UPF2: variants seen among roughly 807,000 people sequenced by gnomAD.
UPF2 encodes the protein regulator of nonsense transcripts 2.
A neutral mutation model predicts 141.4 loss-of-function variants in UPF2; 17 were observed. The observed-to-expected ratio is 0.12, with a 90% CI of 0.08 to 0.18. The LOEUF (loss-of-function observed/expected upper bound fraction) is 0.18, where lower values mean the gene tolerates loss of function less well. Ranked by LOEUF, UPF2 falls within the 10% of genes least tolerant of loss-of-function variation. The pLI, the probability that UPF2 is intolerant of heterozygous loss-of-function variation, is 1.00. For synonymous variants in UPF2, 540 were observed against 498.0 expected (o/e 1.08, Z -1.12); for missense variants, 1,152 against 1,515.9 (o/e 0.76, Z 3.99).
chr10:11,974,161 C>T (rs1228679247), intron 9 of UPF2, among the ~76,000 whole-genome samples: 1 of 151,772 alleles, frequency 6.6e-6, no homozygotes, highest in Non-Finnish European at 1.5e-5. Context: ...TGGGAGTTCA[C>T]TCATGATTTG....
intron 20 of UPF2, among the ~76,000 whole-genome samples, chr10:11,930,881 G>C (rs1832774840): frequency 6.6e-6 from 1 of 152,210 alleles, no homozygotes; most frequent in South Asian, 2.1e-4. Flanking sequence ...CTCCTGCACA[G>C]ATGGCGGTTT....
intron 14 of UPF2, among the ~76,000 whole-genome samples, chr10:11,952,543 C>T (rs192153611): frequency 5.7e-5 from 8 of 141,378 alleles, no homozygotes; most frequent in Admixed American, 1.5e-4. Flanking sequence ...GGCGCCATCT[C>T]AGCTCACTGC....
At chr10:11,938,904 C>T (rs1248256353) in intron 18 of UPF2, among the ~76,000 whole-genome samples, 4 of 111,248 alleles carry the variant, frequency 3.6e-5, no homozygotes, top group Admixed American at 2.5e-4. Context: ...CTCACTCTGT[C>T]CCCCCCATGC....
In UPF2 at chr10:12,004,706, A is replaced by G. The variant is rs1834007187; in HGVS notation, c.1328T>C (p.Ile443Thr). The G allele has an allele frequency of 1.9e-6, 3 of 1,613,232 alleles. No individual in the cohort carries two copies. The highest frequency in any genetic ancestry group is 2.2e-5 in the East Asian group (1 of 44,800). Residue 443 changes from isoleucine (I) to threonine (T), a missense_variant, in exon 5 of 22, where the codon ATA becomes ACA. Transcript: ENST00000357604. ...TTCTCCAGGTTTACCAGGTGTGAAT[A>G]TATCAATTCCAGGCCCATGTTCTAC... Reference protein sequence around the residue: ...TPEEHGPGIDIFTPGKPGEYD... With the variant: ...TPEEHGPGIDTFTPGKPGEYD...
At chr10:11,991,154 A>T (rs73573524) in intron 8 of UPF2, among the ~76,000 whole-genome samples, 1 of 152,270 alleles carries the variant, frequency 6.6e-6, no homozygotes, top group South Asian at 2.1e-4. Context: ...AAACCTACCA[A>T]ACAAAATTCT....
rs368473400 is a variant in UPF2 at position 11,921,066 on chromosome 10, G to A, written c.*232C>T. 5.3e-6 allele frequency: 4 copies of A among 752,054 alleles called. No individual in the cohort carries two copies. Among genetic ancestry groups the A allele is most frequent in the African/African-American group, 5.1e-5 (3 of 58,458 alleles). 46.6% of individuals were successfully genotyped at this position (752,054 alleles called of 1,614,324 possible). On this transcript the variant is annotated 3_prime_UTR_variant, in exon 22 of 22. Coordinates refer to ENST00000357604, the MANE Select transcript of UPF2 (RefSeq NM_015542.4). This position sits in a 1 kb window ranked among gnomAD's most constrained non-coding sequence, Gnocchi z 5.9. The stretch of plus-strand genomic sequence containing the variant: ...TTCTCAAGAGAAGATTAACCCTCGC[G>A]AGATTTCCATTACAAAAGGCCTTTT...
intron 18 of UPF2, among the ~76,000 whole-genome samples, chr10:11,938,797 T>C (rs952090541): frequency 6.7e-6 from 1 of 148,872 alleles, no homozygotes; most frequent in African/African-American, 2.5e-5. Flanking sequence ...AGTAAAACAG[T>C]TGAGAACAAA....
At position 11,931,854 on chromosome 10, in the gene UPF2, A is replaced by C; in HGVS notation, c.3547-72T>G. ...GAGAAAGAAAAAACAGACTTCAAAT[A>C]AAATAGCAAGTACAGGCTGGGCACG... On this transcript the variant is annotated intron_variant, in intron 19 of 21. Coordinates refer to ENST00000357604, the MANE Select transcript of UPF2 (RefSeq NM_015542.4). This position sits in a 1 kb window ranked among gnomAD's most constrained non-coding sequence, Gnocchi z 5.9. 7 of 1,523,178 alleles carry C rather than the reference A, an allele frequency of 4.6e-6. No individual in the cohort carries two copies. The South Asian group carries it at 5.2e-5, about 11-fold the overall frequency. 94.4% of individuals were successfully genotyped at this position (1,523,178 alleles called of 1,614,324 possible).
intron 3 of UPF2, among the ~76,000 whole-genome samples, chr10:12,025,618 A>G (rs1834406227): frequency 1.3e-5 from 2 of 152,192 alleles, no homozygotes; most frequent in Admixed American, 1.3e-4. Flanking sequence ...TACACTATGT[A>G]AGTAAACTTC....
intron 15 of UPF2, among the ~76,000 whole-genome samples, chr10:11,951,632 T>C (rs997617437): frequency 1.3e-5 from 2 of 152,184 alleles, no homozygotes; most frequent in African/African-American, 2.4e-5. Context: ...TGAAATCCTG[T>C]AGGGTAGAGT....
intron 18 of UPF2, among the ~76,000 whole-genome samples, chr10:11,937,071 ATC>A (rs1184243928): frequency 6.6e-6 from 1 of 152,164 alleles, no homozygotes; most frequent in African/African-American, 2.4e-5. Context: ...TTCCTTCATA[ATC>A]ACCAGGCAAG....
At chr10:11,933,845 C>T (rs1832810870) in intron 19 of UPF2, among the ~76,000 whole-genome samples, 1 of 152,200 alleles carries the variant, frequency 6.6e-6, no homozygotes, top group Non-Finnish European at 1.5e-5. Context: ...GTTGTACAAT[C>T]TGACCTTCAA....
chr10:11,928,308 G>C (rs1359509301), intron 21 of UPF2, among the ~76,000 whole-genome samples: 2 of 152,070 alleles, frequency 1.3e-5, no homozygotes, highest in East Asian at 3.9e-4. Flanking sequence ...CTGCACTCCA[G>C]CCTGGGTGAC....
At chr10:11,942,969 T>C (rs2131171303) in intron 17 of UPF2, 95 bp downstream of exon 17, 2 of 946,368 alleles carry the variant, frequency 2.1e-6, no homozygotes, top group Non-Finnish European at 3.2e-6. Context: ...ATATTTTTCA[T>C]AATCAAAAGA....
rs1833147276 is a variant in UPF2 at position 11,956,172 on chromosome 10, G to C, written c.2574+148C>G. ...AAAAAAAAAAAAAAAAGAGGAAAGTGTTTACAGGAAATTCTTATAAAATGA... is the reference window on the plus strand; with the variant it reads ...AAAAAAAAAAAAAAAAGAGGAAAGTCTTTACAGGAAATTCTTATAAAATGA... On this transcript the variant is annotated intron_variant, in intron 13 of 21. Coordinates refer to ENST00000357604, the MANE Select transcript of UPF2 (RefSeq NM_015542.4). This position sits in a 1 kb window ranked among gnomAD's most constrained non-coding sequence, Gnocchi z 4.2. The C allele has an allele frequency of 2.7e-6, 2 of 752,924 alleles. No homozygotes were observed. Among genetic ancestry groups the C allele is most frequent in the Admixed American group, 5.7e-5 (2 of 35,264 alleles). 46.6% of individuals were successfully genotyped at this position (752,924 alleles called of 1,614,324 possible).
At chr10:12,004,998 G>C (rs892076485) in intron 4 of UPF2, among the ~76,000 whole-genome samples, 4 of 151,932 alleles carry the variant, frequency 2.6e-5, no homozygotes, top group African/African-American at 9.7e-5. Context: ...AGATTAAGTA[G>C]CCATTTGATA....
At chr10:12,022,620 G>A (rs1293461433) in intron 3 of UPF2, among the ~76,000 whole-genome samples, 3 of 151,992 alleles carry the variant, frequency 2.0e-5, no homozygotes, top group Non-Finnish European at 2.9e-5. Flanking sequence ...GAACATTACA[G>A]CTATAACACT....
At chr10:11,984,715 C>T (rs1156935776) in intron 8 of UPF2, among the ~76,000 whole-genome samples, 2 of 143,910 alleles carry the variant, frequency 1.4e-5, no homozygotes, top group East Asian at 4.0e-4. Flanking sequence ...CATCTTTGCT[C>T]TTTAAAAAAA....
intron 8 of UPF2, among the ~76,000 whole-genome samples, chr10:11,986,928 T>G (rs1833701972): frequency 6.6e-6 from 1 of 152,198 alleles, no homozygotes; most frequent in Non-Finnish European, 1.5e-5. Context: ...GGAAAAGCTG[T>G]TCAAGAATCA....
Sources: allele counts gnomAD v4.1 joint callset (sites outside exome capture counted in the v4.1 genomes callset), GRCh38; gene constraint gnomAD v4.1.1; non-coding constraint Gnocchi (gnomAD v3.1); transcripts MANE v1.5; gene names NCBI Gene and HGNC (gene_info 2026-07-23, HGNC 2026-07-21).